ASH1L: variants seen among roughly 807,000 people sequenced by gnomAD.
ASH1L encodes the protein ASH1 like histone lysine methyltransferase, also known as histone-lysine N-methyltransferase ASH1L.
In ASH1L, 23 loss-of-function variants were observed where a neutral mutation model predicts 269.0. The ratio of observed to expected loss-of-function variants is 0.09; its 90% CI spans 0.06 to 0.12. ASH1L has a LOEUF of 0.12. Ranked by LOEUF, ASH1L falls within the 10% of genes least tolerant of loss-of-function variation. The pLI, the probability that ASH1L is intolerant of heterozygous loss-of-function variation, is 1.00. For synonymous variants in ASH1L, 1,187 were observed against 1,253.5 expected (o/e 0.95, Z 1.12); for missense variants, 2,912 against 3,567.8 (o/e 0.82, Z 4.68).
At chr1:155,377,905 G>A (rs547623221) in intron 10 of ASH1L, among the ~76,000 whole-genome samples, 1 of 151,878 alleles carries the variant, frequency 6.6e-6, no homozygotes, top group East Asian at 1.9e-4. Flanking sequence ...TGCCTGCAGT[G>A]CTGGCTACCA....
intron 16 of ASH1L, 124 bp from the exon 17 acceptor site, chr1:155,352,982 A>G (rs1558023506): frequency 1.2e-6 from 1 of 829,438 alleles, no homozygotes; most frequent in Non-Finnish European, 1.8e-6. Context: ...ATTAGTGGGC[A>G]CAGAGTTCTT....
chr1:155,408,386 T>G (rs763146706), intron 6 of ASH1L, among the ~76,000 whole-genome samples: 1 of 152,204 alleles, frequency 6.6e-6, no homozygotes, highest in Non-Finnish European at 1.5e-5. Flanking sequence ...CATGGCATCA[T>G]AGCAGTAACA....
intron 19 of ASH1L, 90 bp from the exon 20 acceptor site, chr1:155,347,994 T>C (rs1653512114): frequency 2.0e-6 from 3 of 1,529,580 alleles, no homozygotes; most frequent in South Asian, 1.2e-5. Flanking sequence ...CATGACTTTC[T>C]TTACCCTCCC....
chr1:155,342,485 G>A (rs949270807), intron 24 of ASH1L, among the ~76,000 whole-genome samples: 1 of 152,158 alleles, frequency 6.6e-6, no homozygotes, highest in Non-Finnish European at 1.5e-5. Flanking sequence ...AGACAAGGAG[G>A]ACTCATCAGT....
Position 155,480,315 on chromosome 1 carries a change from G to A in ASH1L, c.2555C>T (p.Ser852Phe). Residue 852 changes from serine to phenylalanine, a missense_variant, in exon 3 of 28, where the codon TCT becomes TTT. Ser to Phe is a radical substitution (Grantham distance 155). Around this residue, in one of 13 missense-constraint regions of ASH1L, gnomAD observed 715 missense variants for 721.0 expected, o/e 0.99. Transcript: ENST00000392403. ...CTTAGACTGTAAAGAAAACACTTTA[G>A]AAGCAGGGATTTTTAAAGTCCTTTT... Reference protein sequence around the residue: ...PPKRTLKIPASKVFSLQSKEE... With the variant: ...PPKRTLKIPAFKVFSLQSKEE... 2 of 1,613,972 alleles carry A rather than the reference G, an allele frequency of 1.2e-6. No individual in the cohort carries two copies. The highest frequency in any genetic ancestry group is 1.7e-6 in the Non-Finnish European group (2 of 1,179,890).
chr1:155,395,442 G>T lies in ASH1L; in HGVS notation c.6103+17C>A, dbSNP rs373462515. 3.4e-5 allele frequency: 54 copies of T among 1,569,842 alleles called. No individual in the cohort carries two copies. In the African/African-American group the frequency reaches 5.9e-4, roughly 17 times the overall value. On this transcript the variant is annotated intron_variant, in intron 7 of 27. Coordinates refer to ENST00000392403, the MANE Select transcript of ASH1L (RefSeq NM_018489.3). Reference sequence around the variant, plus strand: ...CTGTTTCTTCTCAGCAATACATTGTGTGGACTCGGTACTTACCAACATGAA... The same window carrying T: ...CTGTTTCTTCTCAGCAATACATTGTTTGGACTCGGTACTTACCAACATGAA...
chr1:155,448,947 T>C (rs556856700), intron 4 of ASH1L, among the ~76,000 whole-genome samples: 1 of 152,254 alleles, frequency 6.6e-6, no homozygotes, highest in Admixed American at 6.5e-5. Context: ...TGTGTGTTTT[T>C]TTTTTTAAAC....
intron 6 of ASH1L, among the ~76,000 whole-genome samples, chr1:155,403,148 G>A (rs1658995628): frequency 6.6e-6 from 1 of 151,810 alleles, no homozygotes; most frequent in Non-Finnish European, 1.5e-5. Flanking sequence ...TCGTGCCATT[G>A]CACTCCAGTC....
chr1:155,481,611 T>A lies in ASH1L; in HGVS notation c.1259A>T (p.Asp420Val). 6.2e-7 allele frequency: 1 copy of A among 1,614,182 alleles called. No homozygotes were observed. The highest frequency in any genetic ancestry group is 8.5e-7 in the Non-Finnish European group (1 of 1,180,010). ...TGCTTCGGCTTTAAGGTTTATGGCA[T>A]CTTTACTGATCAGACCTGCCAAAGG... ...SCPLAGLISK[D>V]AINLKAEALL... The change falls in exon 3 of 28, where the codon GAT (aspartate) becomes GTT (valine). Residue 420 changes from aspartate to valine, a missense_variant. Physicochemically the swap from Asp to Val is radical, Grantham distance 152 (BLOSUM62 -3). Around this residue, in one of 13 missense-constraint regions of ASH1L, gnomAD observed 715 missense variants for 721.0 expected, o/e 0.99. Coordinates refer to ENST00000392403, the MANE Select transcript of ASH1L (RefSeq NM_018489.3).
chr1:155,351,373 A>C (rs1406733840), intron 17 of ASH1L, among the ~76,000 whole-genome samples: 1 of 151,448 alleles, frequency 6.6e-6, no homozygotes, highest in Non-Finnish European at 1.5e-5. Flanking sequence ...AACATGTTGA[A>C]ACCCCGTCTC....
intron 7 of ASH1L, among the ~76,000 whole-genome samples, chr1:155,383,214 ATTAAC>A (rs953983410): frequency 2.0e-5 from 3 of 152,240 alleles, no homozygotes; most frequent in African/African-American, 4.8e-5. Context: ...GAAAGCTAAG[ATTAAC>A]TTAACTATTG....
At chr1:155,491,970 GCT>G (rs1570972010) in intron 2 of ASH1L, among the ~76,000 whole-genome samples, 3 of 151,036 alleles carry the variant, frequency 2.0e-5, no homozygotes, top group East Asian at 2.0e-4. Flanking sequence ...ACCGTACCCA[GCT>G]CTCTTTTTTT....
At chr1:155,549,405 A>G (rs1221628829) in intron 1 of ASH1L, among the ~76,000 whole-genome samples, 1 of 152,198 alleles carries the variant, frequency 6.6e-6, no homozygotes, top group Non-Finnish European at 1.5e-5. Flanking sequence ...TGGGAGTCCA[A>G]GGCGGGTGGA....
chr1:155,387,184 G>GGCTGGTCTCGAACT, intron 7 of ASH1L, among the ~76,000 whole-genome samples: 1 of 152,086 alleles, frequency 6.6e-6, no homozygotes, highest in South Asian at 2.1e-4. Context: ...ATGTTGATCA[G>GGCTGGTCTCGAACT]GCTGGTCTCG....
chr1:155,433,866 C>G (rs780368552), intron 5 of ASH1L: 8 of 1,604,888 alleles, frequency 5.0e-6, no homozygotes, highest in Non-Finnish European at 8.5e-7. Context: ...CTCTTGCAGG[C>G]TCGAAAGAGA....
At chr1:155,485,293 CCTCTACCT>C (rs1666265515) in intron 2 of ASH1L, among the ~76,000 whole-genome samples, 1 of 151,026 alleles carries the variant, frequency 6.6e-6, no homozygotes, top group Admixed American at 6.6e-5. Context: ...TACCAAAGAA[CCTCTACCT>C]CTCTATTTTT....
Position 155,521,627 on chromosome 1 carries a change from C to T in ASH1L, c.-99-9G>A, listed in dbSNP as rs949300626. 4 of 1,023,974 alleles carry T rather than the reference C, an allele frequency of 3.9e-6. No individual in the cohort carries two copies. In the African/African-American group the frequency reaches 6.4e-5, roughly 16 times the overall value. The allele number at this position is 1,023,974 out of a possible 1,614,324, so 63.4% of individuals were successfully genotyped here. A position where few individuals can be genotyped will look rare whatever the true frequency, so the allele number is the denominator to read the frequency against. ...GAAACCAGCATCTTTCTCTGCAGAA[C>T]AGATCATAACAAAAATTTATCAGAA... On this transcript the variant is annotated splice_polypyrimidine_tract_variant and intron_variant, in intron 1 of 27. Coordinates refer to ENST00000392403, the MANE Select transcript of ASH1L (RefSeq NM_018489.3).
intron 8 of ASH1L, 85 bp downstream of exon 8, chr1:155,379,958 A>G: frequency 1.0e-6 from 1 of 983,738 alleles, no homozygotes; most frequent in Admixed American, 1.9e-5. Context: ...TGAAAACATA[A>G]CAAGGGGAGA....
intron 3 of ASH1L, among the ~76,000 whole-genome samples, chr1:155,475,427 C>T (rs1002523326): frequency 5.9e-5 from 9 of 152,094 alleles, no homozygotes; most frequent in Non-Finnish European, 8.8e-5. Context: ...TGAGCCACCG[C>T]GCCTGGACTT....
Sources: gnomAD v4.1 joint callset for allele counts (sites outside exome capture counted in the v4.1 genomes callset) on GRCh38, gnomAD v4.1.1 for gene constraint, gnomAD v4.1.1 regional missense constraint, MANE v1.5 for transcripts, NCBI Gene and HGNC (gene_info 2026-07-23, HGNC 2026-07-21) for gene names.